CDC73: variants seen among roughly 807,000 people sequenced by gnomAD.
CDC73 encodes cell division cycle 73, also known as parafibromin.
Under a neutral mutation model 83.7 loss-of-function variants are expected in CDC73, and 21 were observed. The observed-to-expected ratio is 0.25, with a 90% CI of 0.18 to 0.36. The LOEUF (loss-of-function observed/expected upper bound fraction) is 0.36, where lower values mean the gene tolerates loss of function less well. Among genes scored for constraint, CDC73 ranks in the 10% least tolerant of loss-of-function variants. The pLI is 1.00. For synonymous variants in CDC73, 224 were observed against 212.9 expected, an observed-to-expected ratio of 1.05 and a Z score of -0.45; for missense variants, 342 against 653.3, an observed-to-expected ratio of 0.52 and a Z score of 5.19.
chr1:193,123,654 G>A (rs1675508952), intron 1 of CDC73, among the ~76,000 whole-genome samples: 1 of 151,160 alleles, frequency 6.6e-6, no homozygotes, highest in Non-Finnish European at 1.5e-5. Flanking sequence ...ATTACATGTG[G>A]TTGGATTTTT....
chr1:193,130,235 G>T lies in CDC73; in HGVS notation c.299G>T (p.Gly100Val), dbSNP rs2103117958. The part of the protein sequence containing the change: ...DRKDLLGYLN[G>V]EASTSASIDR... The stretch of plus-strand genomic sequence containing the variant: ...AAAGATCTACTTGGATATCTCAATG[G>T]TGAAGCGTGTGAGTACTTTTTAAAT... Residue 100 changes from glycine (G) to valine (V), a missense_variant, in exon 3 of 17, where the codon GGT becomes GTT. Physicochemically the swap from Gly to Val is moderately radical, Grantham distance 109 (BLOSUM62 -3). Transcript: ENST00000367435. 1.3e-6 allele frequency: 2 copies of T among 1,564,762 alleles called. No individual in the cohort carries two copies. Among genetic ancestry groups the T allele is most frequent in the Non-Finnish European group, 1.8e-6 (2 of 1,135,616 alleles).
intron 10 of CDC73, among the ~76,000 whole-genome samples, chr1:193,168,434 AATT>A (rs1558296114): frequency 6.6e-6 from 1 of 152,132 alleles, no homozygotes; most frequent in African/African-American, 2.4e-5. Flanking sequence ...AAAGCAATAT[AATT>A]GCATTTTTTG....
chr1:193,252,882 T>C lies in CDC73; in HGVS notation c.*2170T>C. The C allele has an allele frequency of 4.3e-6, 1 of 231,874 alleles. No homozygotes were observed. Among genetic ancestry groups the C allele is most frequent in the African/African-American group, 2.2e-5 (1 of 45,396 alleles). The allele number at this position is 231,874 out of a possible 1,614,324, so 14.4% of individuals were successfully genotyped here. A position where few individuals can be genotyped will look rare whatever the true frequency, so the allele number is the denominator to read the frequency against. ...TACATGCATGAATGAATAATGTATT[T>C]TCAGTGTAACAAATTTATTATAAAA... On this transcript the variant is annotated 3_prime_UTR_variant, in exon 17 of 17. Transcript: ENST00000367435.
intron 15 of CDC73, among the ~76,000 whole-genome samples, chr1:193,246,545 T>C (rs775925077): frequency 1.3e-5 from 2 of 152,084 alleles, no homozygotes. Context: ...AACAGTGAAC[T>C]AGCTGAAAAA....
intron 13 of CDC73, among the ~76,000 whole-genome samples, chr1:193,227,242 A>G (rs1039042029): frequency 6.6e-6 from 1 of 151,640 alleles, no homozygotes; most frequent in African/African-American, 2.4e-5. Context: ...TTTTGTTTCA[A>G]TTTCATTTAG....
chr1:193,211,854 T>C (rs1677285035), intron 11 of CDC73, among the ~76,000 whole-genome samples: 1 of 152,244 alleles, frequency 6.6e-6, no homozygotes, highest in East Asian at 1.9e-4. Context: ...ATGTTGTATA[T>C]TCACTTTCCT....
chr1:193,210,482 T>C (rs1057033903), intron 11 of CDC73, among the ~76,000 whole-genome samples: 2 of 152,188 alleles, frequency 1.3e-5, no homozygotes, highest in Admixed American at 6.5e-5. Flanking sequence ...ATACTGAAAA[T>C]AGAACTTGCA....
intron 10 of CDC73, among the ~76,000 whole-genome samples, chr1:193,187,988 T>G (rs1007011948): frequency 6.6e-6 from 1 of 152,206 alleles, no homozygotes; most frequent in Non-Finnish European, 1.5e-5. Context: ...TTTTTAAAAT[T>G]AGTTTACTAG....
chr1:193,222,428 A>G (rs892478935), intron 13 of CDC73, among the ~76,000 whole-genome samples: 1 of 152,216 alleles, frequency 6.6e-6, no homozygotes, highest in African/African-American at 2.4e-5. Context: ...CTTGTTCCCA[A>G]CAGCCCCAGG....
intron 10 of CDC73, among the ~76,000 whole-genome samples, chr1:193,160,281 G>T (rs1676286400): frequency 6.6e-6 from 1 of 151,972 alleles, no homozygotes; most frequent in Non-Finnish European, 1.5e-5. Context: ...TTGTTGCCAC[G>T]TATATCAGAG....
At chr1:193,183,749 T>TTTTAAAATTTTAAATAAAA (rs1411026071) in intron 10 of CDC73, among the ~76,000 whole-genome samples, 8 of 151,934 alleles carry the variant, frequency 5.3e-5, no homozygotes, top group African/African-American at 1.9e-4. Flanking sequence ...CAAAAGTTGC[T>TTTTAAAATTTTAAATAAAA]TTTAAAATTT....
Position 193,186,716 on chromosome 1 carries a change from G to A in CDC73, c.973-17079G>A, listed in dbSNP as rs139329072. ...TCATTTTGACTAAAAACCTAAGGTA[G>A]GGAGAAGCTTAGAGATTTTGCTTTT... On this transcript the variant is annotated intron_variant, in intron 10 of 16. Coordinates refer to ENST00000367435, the MANE Select transcript of CDC73 (RefSeq NM_024529.5). The A allele has an allele frequency of 1.1e-4, 17 of 152,188 alleles. No individual in the cohort carries two copies. The East Asian group carries it at 3.1e-3, about 28-fold the overall frequency. The allele number at this position is 152,188 out of a possible 1,614,324, so 9.4% of individuals were successfully genotyped here. A position where few individuals can be genotyped will look rare whatever the true frequency, so the allele number is the denominator to read the frequency against.
intron 3 of CDC73, among the ~76,000 whole-genome samples, chr1:193,130,615 A>C (rs1022027493): frequency 6.6e-6 from 1 of 152,138 alleles, no homozygotes; most frequent in African/African-American, 2.4e-5. Flanking sequence ...CTACTGCTTC[A>C]TTTATCTCCT....
chr1:193,188,591 TATAGGGGATAC>T lies in CDC73; in HGVS notation c.973-15202_973-15192del, dbSNP rs1202880087. On this transcript the variant is annotated intron_variant, in intron 10 of 16. Coordinates refer to ENST00000367435, the MANE Select transcript of CDC73 (RefSeq NM_024529.5). ...GTGCATTTAGGCATAGCTTATTAAG[TATAGGGGATAC>T]AAAGTTGATTTAGAGACATTCCCTA... Among the ~76,000 whole-genome samples the T allele has an allele frequency of 7.2e-5, 11 of 152,284 alleles. No individual in the cohort carries two copies. The East Asian group carries it at 1.2e-3, about 16-fold the overall frequency.
chr1:193,230,457 ATTTTTTTTTT>A (rs752027731), intron 13 of CDC73, among the ~76,000 whole-genome samples: 1,527 of 90,852 alleles, frequency 0.017, 32 homozygotes, highest in African/African-American at 0.065. Flanking sequence ...CTAATCCCGT[ATTTTTTTTTT>A]TTTTTTTTTT....
chr1:193,139,241 A>G (rs893417720), intron 6 of CDC73, among the ~76,000 whole-genome samples: 2 of 150,292 alleles, frequency 1.3e-5, no homozygotes, highest in Non-Finnish European at 3.0e-5. Context: ...AGTCTCCAGC[A>G]TTGTAGTTTT....
Position 193,212,493 on chromosome 1 carries a change from A to T in CDC73, c.1154+16A>T. ...AGGACCTGAAGTAAGTAATTTATTAAACTATCCTGTACGTAGGATATTGAG... is the reference window on the plus strand; with the variant it reads ...AGGACCTGAAGTAAGTAATTTATTATACTATCCTGTACGTAGGATATTGAG... On this transcript the variant is annotated intron_variant, in intron 13 of 16. Coordinates refer to ENST00000367435, the MANE Select transcript of CDC73 (RefSeq NM_024529.5). 1 of 1,384,810 alleles carries T rather than the reference A, an allele frequency of 7.2e-7. No homozygotes were observed. The allele number at this position is 1,384,810 out of a possible 1,614,324, so 85.8% of individuals were successfully genotyped here.
At chr1:193,140,717 G>T (rs1378190950) in intron 6 of CDC73, among the ~76,000 whole-genome samples, 3 of 152,170 alleles carry the variant, frequency 2.0e-5, no homozygotes, top group Non-Finnish European at 4.4e-5. Context: ...TCCCAGGCAG[G>T]TGTCCCAGGC....
intron 10 of CDC73, chr1:193,180,818 T>G: frequency 6.2e-7 from 1 of 1,614,112 alleles, no homozygotes; most frequent in East Asian, 2.2e-5. Context: ...TCAGTTTTCA[T>G]AACATATGGA....
Sources: gnomAD v4.1 joint callset for allele counts (sites outside exome capture counted in the v4.1 genomes callset) on GRCh38, gnomAD v4.1.1 for gene constraint, MANE v1.5 for transcripts, NCBI Gene and HGNC (gene_info 2026-07-23, HGNC 2026-07-21) for gene names.